The following CDC6 variants were observed in gnomAD, a reference collection of about 807,000 sequenced individuals.
The protein encoded by CDC6 is DNA replication factor CDC6.
CDC6 carries 46 observed loss-of-function variants against 60.2 expected under a neutral mutation model. That is an observed-to-expected ratio of 0.76 (90% CI 0.60 to 0.98). The LOEUF is 0.98. Ranked by LOEUF, CDC6 falls within the 50% of genes least tolerant of loss-of-function variation. CDC6 has a pLI of 0.00. For missense variants in CDC6, 596 were observed against 652.9 expected (o/e 0.91, Z 0.95); for synonymous variants, 210 against 233.2 (o/e 0.90, Z 0.90).
At chr17:40,301,874 GTTCCCCAGTGT>G in intron 11 of CDC6, 27 bp from the exon 12 acceptor site, 2 of 1,338,434 alleles carry the variant, frequency 1.5e-6, no homozygotes, top group Non-Finnish European at 2.2e-6. Flanking sequence ...GCTTTTGTGA[GTTCCCCAGTGT>G]GAAAAATCCT....
In CDC6 at chr17:40,302,027, A is replaced by T; in HGVS notation, c.*26A>T. 1 of 1,295,574 alleles carries T rather than the reference A, an allele frequency of 7.7e-7. No individual in the cohort carries two copies. Among genetic ancestry groups the T allele is most frequent in the Non-Finnish European group, 1.1e-6 (1 of 889,184 alleles). 80.3% of individuals were successfully genotyped at this position (1,295,574 alleles called of 1,614,324 possible). A position where few individuals can be genotyped will look rare whatever the true frequency, so the allele number is the denominator to read the frequency against. On this transcript the variant is annotated 3_prime_UTR_variant, in exon 12 of 12. Coordinates refer to ENST00000209728, the MANE Select transcript of CDC6 (RefSeq NM_001254.4). ...ATTCTTCTCTTACACCCCACCCGAA[A>T]GTATTCAGCTGGCATTTAGAGAGCT...
chr17:40,296,206 T>C lies in CDC6; in HGVS notation c.1185-497T>C, dbSNP rs1055499209. ...AGACTGCAACTATGAGCAATAGTCA[T>C]GTAGGCTAGCGTGGTTTAGCCTACA... On this transcript the variant is annotated intron_variant, in intron 8 of 11. Transcript: ENST00000209728. 5.5e-4 allele frequency among the ~76,000 whole-genome samples: 83 copies of C among 152,202 alleles called. 2 individuals carry two copies. The highest frequency in any genetic ancestry group is 1.9e-4 in the East Asian group (1 of 5,196).
rs1286742031 is a variant in CDC6, at chr17:40,302,413, G to A, written c.*412G>A. On this transcript the variant is annotated 3_prime_UTR_variant, in exon 12 of 12. Coordinates refer to ENST00000209728, the MANE Select transcript of CDC6 (RefSeq NM_001254.4). ...CCTGTTGCCCAGGCTGGAGTGCAAT[G>A]GCGCGTTCTCTGCTCACTACAGCAC... 1 of 226,758 alleles carries A rather than the reference G, an allele frequency of 4.4e-6. No homozygotes were observed. Among genetic ancestry groups the A allele is most frequent in the Non-Finnish European group, 8.8e-6 (1 of 113,920 alleles). 14.0% of individuals were successfully genotyped at this position (226,758 alleles called of 1,614,324 possible). A position where few individuals can be genotyped will look rare whatever the true frequency, so the allele number is the denominator to read the frequency against.
At chr17:40,291,989 C>T (rs551544767) in intron 4 of CDC6, among the ~76,000 whole-genome samples, 41 of 152,252 alleles carry the variant, frequency 2.7e-4, no homozygotes, top group African/African-American at 8.7e-4. Flanking sequence ...CCTCATGGTC[C>T]GCCCTTGTTG....
intron 8 of CDC6, 46 bp downstream of exon 8, chr17:40,295,502 AG>A: frequency 6.5e-6 from 8 of 1,239,598 alleles, no homozygotes; most frequent in Non-Finnish European, 9.5e-6. Flanking sequence ...AAAAAAAAAA[AG>A]AAATGCTGTT....
intron 2 of CDC6, among the ~76,000 whole-genome samples, chr17:40,290,707 T>C (rs1489122732): frequency 1.3e-5 from 2 of 152,128 alleles, no homozygotes; most frequent in South Asian, 2.1e-4. Flanking sequence ...GCATATACAG[T>C]GTGGATATGC....
intron 9 of CDC6, among the ~76,000 whole-genome samples, chr17:40,300,383 G>A (rs138918388): frequency 1.3e-5 from 2 of 152,226 alleles, no homozygotes; most frequent in African/African-American, 4.8e-5. Context: ...TGTAATCCTA[G>A]CTACACAGGA....
chr17:40,289,400 T>C lies in CDC6; in HGVS notation c.-13-8T>C. On this transcript the variant is annotated splice_polypyrimidine_tract_variant and splice_region_variant and intron_variant, in intron 1 of 11. Coordinates refer to ENST00000209728, the MANE Select transcript of CDC6 (RefSeq NM_001254.4). ...TGACTAGTTGTCCTCTTATTTTTTT[T>C]AATCTAGCTGTGCTGTCGTCATGCC... 1 of 1,611,700 alleles carries C rather than the reference T, an allele frequency of 6.2e-7. No individual in the cohort carries two copies. Among genetic ancestry groups the C allele is most frequent in the Non-Finnish European group, 8.5e-7 (1 of 1,177,876 alleles).
chr17:40,292,885 G>A lies in CDC6; in HGVS notation c.661-571G>A, dbSNP rs577419491. On this transcript the variant is annotated intron_variant, in intron 4 of 11. Transcript: ENST00000209728. ...GTGGAGCTTGCAGTGAGCCGAGATC[G>A]CGCCACTGCACTCCAGCATGGGCGA... Among the ~76,000 whole-genome samples the A allele has an allele frequency of 2.2e-3, 340 of 151,548 alleles. 1 individual carries two copies. Among genetic ancestry groups the A allele is most frequent in the Non-Finnish European group, 3.8e-3 (255 of 67,868 alleles).
chr17:40,295,503 GAA>G, intron 8 of CDC6, 47 bp downstream of exon 8: 4 of 1,026,260 alleles, frequency 3.9e-6, no homozygotes, highest in Non-Finnish European at 6.1e-6. Context: ...AAAAAAAAAA[GAA>G]ATGCTGTTAA....
chr17:40,293,409 A>G (rs775121101), intron 4 of CDC6, 47 bp from the exon 5 acceptor site: 2 of 1,510,804 alleles, frequency 1.3e-6, no homozygotes, highest in East Asian at 4.5e-5. Context: ...TCAGATCTTT[A>G]TTTTCTGAGG....
Position 40,291,142 on chromosome 17 carries a change from C to CA in CDC6, c.264dup (p.His89ThrfsTer4). 2 of 1,614,146 alleles carry CA rather than the reference C, an allele frequency of 1.2e-6. No individual in the cohort carries two copies. The highest frequency in any genetic ancestry group is 1.7e-6 in the Non-Finnish European group (2 of 1,179,988). ...AAGAAAGAGAATGGTCCCCCTCACT[C>CA]ACATACACTTAAGGGACGAAGATTG... On this transcript the variant is annotated frameshift_variant, in exon 3 of 12. Transcript: ENST00000209728. LOFTEE classifies it high-confidence loss of function.
chr17:40,294,092 T>A (rs749282595), intron 6 of CDC6, 36 bp downstream of exon 6: 1 of 1,432,648 alleles, frequency 7.0e-7, no homozygotes, highest in South Asian at 1.1e-5. Flanking sequence ...ATGGTGGTTC[T>A]AAAGTATTTT....
chr17:40,294,173 G>T (rs757418486), intron 6 of CDC6, 117 bp downstream of exon 6: 24 of 1,003,540 alleles, frequency 2.4e-5, no homozygotes, highest in African/African-American at 3.2e-5. Context: ...GTCAAAATAA[G>T]AAAGTTAAAT....
chr17:40,295,314 A>C (rs766001878), intron 7 of CDC6, 42 bp from the exon 8 acceptor site: 1 of 1,281,670 alleles, frequency 7.8e-7, no homozygotes, highest in South Asian at 1.2e-5. Flanking sequence ...CAGAGGGAGA[A>C]TCTTATGGTT....
intron 7 of CDC6, 83 bp from the exon 8 acceptor site, chr17:40,295,273 G>A: frequency 1.1e-6 from 1 of 932,766 alleles, no homozygotes; most frequent in Non-Finnish European, 1.8e-6. Context: ...AGGGTTAAAT[G>A]TGAAAATATT....
chr17:40,297,470 G>C (rs2032874882), intron 9 of CDC6, among the ~76,000 whole-genome samples: 1 of 152,134 alleles, frequency 6.6e-6, no homozygotes, highest in African/African-American at 2.4e-5. Context: ...ACACACCGGA[G>C]GCTGTTGGGG....
rs199551505 is a variant in CDC6, at chr17:40,293,442, A to AT, written c.661-5dup. 1,283 of 1,574,648 alleles carry AT rather than the reference A, an allele frequency of 8.1e-4. 5 individuals carry two copies. The highest frequency in any genetic ancestry group is 6.6e-3 in the African/African-American group (485 of 73,924). On this transcript the variant is annotated splice_polypyrimidine_tract_variant and intron_variant, in intron 4 of 11. Transcript: ENST00000209728. The stretch of plus-strand genomic sequence containing the variant: ...AGGCCAAAATAACTCCCATATTTGC[A>AT]TTTTTTTTTCCAGAAGGAACTGAAA...
At chr17:40,296,830 G>C in intron 9 of CDC6, 63 bp downstream of exon 9, 1 of 1,050,702 alleles carries the variant, frequency 9.5e-7, no homozygotes. Context: ...TCTGAGGAAA[G>C]AGGTAGAAAG....
Sources: allele counts gnomAD v4.1 joint callset (sites outside exome capture counted in the v4.1 genomes callset), GRCh38; gene constraint gnomAD v4.1.1; transcripts MANE v1.5; gene names NCBI Gene and HGNC (gene_info 2026-07-23, HGNC 2026-07-21).